Variants in RYR2 observed in about 807,000 individuals in gnomAD.
The protein encoded by RYR2 is cardiac muscle ryanodine receptor-calcium release channel.
Under a neutral mutation model 601.1 loss-of-function variants are expected in RYR2, and 227 were observed. That is an observed-to-expected ratio of 0.38 (90% CI 0.34 to 0.42). The LOEUF is 0.42. Among genes scored for constraint, RYR2 ranks in the 10% least tolerant of loss-of-function variants. The pLI, the probability that RYR2 is intolerant of heterozygous loss-of-function variation, is 1.00. For missense variants in RYR2, 4,646 were observed against 6,156.5 expected (o/e 0.75, Z 8.21); for synonymous variants, 2,223 against 2,175.1 (o/e 1.02, Z -0.61).
At chr1:237,445,898 C>T (rs1403134691) in intron 14 of RYR2, among the ~76,000 whole-genome samples, 2 of 152,072 alleles carry the variant, frequency 1.3e-5, no homozygotes, top group Admixed American at 6.6e-5. Flanking sequence ...CTCACTGCAT[C>T]CTCTGCCTCC....
chr1:237,352,827 G>T (rs1422353354), intron 3 of RYR2: 2 of 510,998 alleles, frequency 3.9e-6, no homozygotes, highest in Middle Eastern at 3.2e-4. Flanking sequence ...ATGGGGAAAA[G>T]ATTTATTTTT....
intron 5 of RYR2, among the ~76,000 whole-genome samples, chr1:237,365,077 G>T (rs1249060301): frequency 2.0e-5 from 3 of 152,074 alleles, no homozygotes; most frequent in African/African-American, 7.2e-5. Context: ...GAAAATTTTT[G>T]TTTCATTTTT....
intron 1 of RYR2, among the ~76,000 whole-genome samples, chr1:237,145,191 C>T (rs1673866372): frequency 6.6e-6 from 1 of 150,906 alleles, no homozygotes; most frequent in Non-Finnish European, 1.5e-5. Context: ...GCACGTTTTG[C>T]ACATGTACCC....
intron 26 of RYR2, among the ~76,000 whole-genome samples, chr1:237,549,851 C>T (rs1207128488): frequency 1.3e-5 from 2 of 151,980 alleles, no homozygotes; most frequent in African/African-American, 4.8e-5. Flanking sequence ...TGCATCTCCC[C>T]GATCCCATGG....
chr1:237,208,260 G>T (rs1167551227), intron 1 of RYR2, among the ~76,000 whole-genome samples: 1 of 152,218 alleles, frequency 6.6e-6, no homozygotes, highest in East Asian at 1.9e-4. Flanking sequence ...CATGGAGTTT[G>T]CTGATTCTAG....
intron 1 of RYR2, among the ~76,000 whole-genome samples, chr1:237,182,718 TA>T (rs1678919004): frequency 6.6e-6 from 1 of 152,158 alleles, no homozygotes; most frequent in Non-Finnish European, 1.5e-5. Flanking sequence ...ATACACAATT[TA>T]AAAAATCTAT....
intron 1 of RYR2, among the ~76,000 whole-genome samples, chr1:237,215,185 T>C (rs1489623756): frequency 3.9e-5 from 6 of 152,194 alleles, no homozygotes; most frequent in Non-Finnish European, 2.9e-5. Context: ...CCAGAATCAT[T>C]TGAAAAACAT....
chr1:237,409,793 T>C (rs1003195698), intron 10 of RYR2, among the ~76,000 whole-genome samples: 3 of 152,178 alleles, frequency 2.0e-5, no homozygotes, highest in Admixed American at 6.5e-5. Context: ...CCTATTATAT[T>C]CTACAGAAAC....
chr1:237,365,255 T>A (rs532178623), intron 5 of RYR2, among the ~76,000 whole-genome samples: 4 of 152,324 alleles, frequency 2.6e-5, no homozygotes, highest in Non-Finnish European at 4.4e-5. Flanking sequence ...TAAATCAAAA[T>A]TCCAGATATA....
At chr1:237,195,586 C>T (rs1182597884) in intron 1 of RYR2, among the ~76,000 whole-genome samples, 4 of 152,184 alleles carry the variant, frequency 2.6e-5, no homozygotes, top group African/African-American at 9.6e-5. Flanking sequence ...CTTTTCTATA[C>T]ATTCATTAGG....
At chr1:237,259,556 A>G (rs1558512435) in intron 1 of RYR2, among the ~76,000 whole-genome samples, 1 of 137,602 alleles carries the variant, frequency 7.3e-6, no homozygotes, top group Non-Finnish European at 1.6e-5. Context: ...AAGAGAGACT[A>G]CCGTCACCTT....
chr1:237,178,416 CTGTGTGTGTGTGTGTGTGTGTGTGTG>C (rs201867544), intron 1 of RYR2, among the ~76,000 whole-genome samples: 3 of 129,712 alleles, frequency 2.3e-5, no homozygotes, highest in South Asian at 2.9e-4. Flanking sequence ...AGTTAAGGCT[CTGTGTGTGTGTGTGTGTGTGTGTGTG>C]TGTGTGTGTG....
chr1:237,492,055 T>A lies in RYR2; in HGVS notation c.1827+131T>A, dbSNP rs990279687. 5.3e-6 allele frequency: 3 copies of A among 570,534 alleles called. No individual in the cohort carries two copies. In the African/African-American group the frequency reaches 5.7e-5, roughly 11 times the overall value. 35.3% of individuals were successfully genotyped at this position (570,534 alleles called of 1,614,324 possible). A position where few individuals can be genotyped will look rare whatever the true frequency, so the allele number is the denominator to read the frequency against. On this transcript the variant is annotated intron_variant, in intron 18 of 104. Transcript: ENST00000366574. ...TTAATCTCTTAATTATTTTTTGAGA[T>A]GCAGTCGAGCTCTGTCGCCCAGGCT... is the stretch of plus-strand genomic sequence containing the variant.
chr1:237,381,914 T>A (rs546174092), intron 8 of RYR2, among the ~76,000 whole-genome samples: 104 of 152,394 alleles, frequency 6.8e-4, no homozygotes, highest in African/African-American at 2.5e-3. Context: ...GGAAAGAATT[T>A]TTTTTGCTCA....
chr1:237,237,767 G>A (rs1482763279), intron 1 of RYR2, among the ~76,000 whole-genome samples: 1 of 152,072 alleles, frequency 6.6e-6, no homozygotes. Flanking sequence ...AATTGACTAA[G>A]GTTTGGCATC....
chr1:237,643,582 T>C (rs1012455416), intron 48 of RYR2, 135 bp downstream of exon 48: 8 of 858,376 alleles, frequency 9.3e-6, no homozygotes, highest in South Asian at 7.6e-5. Flanking sequence ...TTAGTTTTTT[T>C]AAAAAAGCTG....
intron 16 of RYR2, 144 bp from the exon 17 acceptor site, chr1:237,468,948 A>T: frequency 1.6e-6 from 1 of 618,602 alleles, no homozygotes; most frequent in Non-Finnish European, 2.9e-6. Context: ...TTGTATATGT[A>T]CGTGTATGTA....
At chr1:237,099,903 C>A (rs1667897891) in intron 1 of RYR2, among the ~76,000 whole-genome samples, 1 of 152,006 alleles carries the variant, frequency 6.6e-6, no homozygotes, top group Admixed American at 6.5e-5. Context: ...TGTAAATTTC[C>A]CCAGGTTAAG....
Position 237,180,646 on chromosome 1 carries a change from GTA to G in RYR2, c.49-89847_49-89846del, listed in dbSNP as rs1558379653. Among the ~76,000 whole-genome samples, 5 of 94,174 alleles carry G rather than the reference GTA, an allele frequency of 5.3e-5. No homozygotes were observed. In the East Asian group the frequency reaches 9.8e-4, roughly 19 times the overall value. The allele number at this position is 94,174 out of a possible 152,430, so 61.8% of individuals were successfully genotyped here. A position where few individuals can be genotyped will look rare whatever the true frequency, so the allele number is the denominator to read the frequency against. On this transcript the variant is annotated intron_variant, in intron 1 of 104. Transcript: ENST00000366574. This position sits in a 1 kb window ranked among gnomAD's most constrained non-coding sequence, Gnocchi z 5.3. ...TATGTATATGTGTATATATGTATAT[GTA>G]TATGTGTATATATGTATACATGTGT...
Sources: gnomAD v4.1 joint callset for allele counts (sites outside exome capture counted in the v4.1 genomes callset) on GRCh38, gnomAD v4.1.1 for gene constraint, Gnocchi (gnomAD v3.1) non-coding constraint, MANE v1.5 for transcripts, NCBI Gene and HGNC (gene_info 2026-07-23, HGNC 2026-07-21) for gene names.